The following USP13 variants were observed in gnomAD, a reference collection of about 807,000 sequenced individuals.
USP13 encodes ubiquitin specific peptidase 13, also known as ubiquitin carboxyl-terminal hydrolase 13.
In USP13, 68 loss-of-function variants were observed where a neutral mutation model predicts 107.8. That is an observed-to-expected ratio of 0.63 (90% confidence interval 0.52 to 0.77). USP13 has a LOEUF of 0.77. Among genes scored for constraint, USP13 ranks in the 30% least tolerant of loss-of-function variants. The pLI is 0.00. For synonymous variants in USP13, 377 were observed against 389.5 expected (o/e 0.97, Z 0.38); for missense variants, 945 against 1,093.3 (o/e 0.86, Z 1.91).
intron 7 of USP13, 117 bp downstream of exon 7, chr3:179,720,151 A>G: frequency 1.6e-6 from 1 of 636,524 alleles, no homozygotes; most frequent in Non-Finnish European, 2.4e-6. Flanking sequence ...TTCATTTTAT[A>G]GGTTTTAGCT....
At chr3:179,750,664 A>G (rs1257947248) in intron 13 of USP13, among the ~76,000 whole-genome samples, 2 of 152,218 alleles carry the variant, frequency 1.3e-5, no homozygotes, top group Non-Finnish European at 2.9e-5. Context: ...CCAAGGCTTT[A>G]TAGCTTTTAC....
At chr3:179,689,454 C>G (rs1712023463) in intron 2 of USP13, among the ~76,000 whole-genome samples, 2 of 151,868 alleles carry the variant, frequency 1.3e-5, no homozygotes, top group South Asian at 4.2e-4. Flanking sequence ...GTCAGGAGTT[C>G]AAGACCAGCC....
chr3:179,705,754 C>G (rs945996728), intron 4 of USP13, among the ~76,000 whole-genome samples: 5 of 151,922 alleles, frequency 3.3e-5, no homozygotes, highest in African/African-American at 1.2e-4. Flanking sequence ...CAGGGTTTCT[C>G]TCCTGTTGCC....
At chr3:179,675,174 C>CA (rs749528708) in intron 1 of USP13, among the ~76,000 whole-genome samples, 197 of 128,670 alleles carry the variant, frequency 1.5e-3, no homozygotes, top group South Asian at 9.6e-3. Flanking sequence ...CACTCCATCT[C>CA]AAAAAAAAAA....
chr3:179,662,013 A>G (rs1049510716), intron 1 of USP13, among the ~76,000 whole-genome samples: 2 of 152,190 alleles, frequency 1.3e-5, no homozygotes, highest in South Asian at 2.1e-4. Context: ...GTTCCTGAAC[A>G]TAGGCAGTGA....
chr3:179,673,210 A>G (rs1183743081), intron 1 of USP13, among the ~76,000 whole-genome samples: 1 of 152,170 alleles, frequency 6.6e-6, no homozygotes, highest in Non-Finnish European at 1.5e-5. Flanking sequence ...AGAGACTTTA[A>G]GTGGAAGCTG....
chr3:179,655,551 TTTTTTGTTTTGTTTTG>T (rs1486430714), intron 1 of USP13, among the ~76,000 whole-genome samples: 1 of 141,358 alleles, frequency 7.1e-6, no homozygotes, highest in East Asian at 2.3e-4. Context: ...TGGGAAGGTT[TTTTTTGTTTTGTTTTG>T]TTTTTTTTTT....
At chr3:179,693,299 C>T (rs1246357999) in intron 3 of USP13, among the ~76,000 whole-genome samples, 1 of 152,106 alleles carries the variant, frequency 6.6e-6, no homozygotes, top group East Asian at 1.9e-4. Flanking sequence ...CAGGCACACA[C>T]CACCACACAT....
intron 2 of USP13, among the ~76,000 whole-genome samples, chr3:179,685,966 G>A (rs1281109648): frequency 6.6e-6 from 1 of 151,922 alleles, no homozygotes; most frequent in African/African-American, 2.4e-5. Context: ...CTCCTTAACT[G>A]TCCTCCAGAA....
chr3:179,732,440 G>T (rs777121735), intron 10 of USP13, among the ~76,000 whole-genome samples: 3 of 152,202 alleles, frequency 2.0e-5, no homozygotes, highest in Non-Finnish European at 4.4e-5. Flanking sequence ...TGGTGAAGGA[G>T]CTGGGAGTCG....
At chr3:179,706,673 C>T (rs1453213972) in intron 4 of USP13, among the ~76,000 whole-genome samples, 1 of 152,174 alleles carries the variant, frequency 6.6e-6, no homozygotes, top group Non-Finnish European at 1.5e-5. Context: ...ATTGTTAAAT[C>T]TGACCTCTAA....
intron 8 of USP13, among the ~76,000 whole-genome samples, chr3:179,723,122 G>T (rs1254542904): frequency 6.6e-6 from 1 of 152,208 alleles, no homozygotes. Flanking sequence ...CAGGTGACAT[G>T]CCAGGAATAG....
chr3:179,774,568 G>A (rs989480561), intron 19 of USP13, among the ~76,000 whole-genome samples: 1 of 148,822 alleles, frequency 6.7e-6, no homozygotes, highest in African/African-American at 2.6e-5. Flanking sequence ...CTGTGGGTTT[G>A]TGGTCTCGCT....
At chr3:179,670,651 T>G (rs1370623361) in intron 1 of USP13, among the ~76,000 whole-genome samples, 1 of 152,108 alleles carries the variant, frequency 6.6e-6, no homozygotes, top group African/African-American at 2.4e-5. Flanking sequence ...TAATATCAAA[T>G]TATTGGCCGG....
Position 179,690,255 on chromosome 3 carries a change from G to T in USP13, c.309G>T (p.Ala103=). The T allele has an allele frequency of 6.2e-7, 1 of 1,613,770 alleles. No individual in the cohort carries two copies. The highest frequency in any genetic ancestry group is 8.5e-7 in the Non-Finnish European group (1 of 1,179,858). The change falls in exon 3 of 21, where the codon GCG becomes GCT. Residue 103 remains alanine (A), a synonymous_variant. Transcript: ENST00000263966. ...KRHVREKVRG[A]SGGALPKRRN... ...TTTCTTTTCAGAAGGTAAGAGGGGC[G>T]TCTGGTGGAGCGTTACCAAAAAGGA...
chr3:179,722,065 CA>C lies in USP13; in HGVS notation c.1088+493del, dbSNP rs113098896. 5.6e-3 allele frequency among the ~76,000 whole-genome samples: 712 copies of C among 127,694 alleles called. 7 individuals carry two copies. Among genetic ancestry groups the C allele is most frequent in the African/African-American group, 0.017 (561 of 32,472 alleles). 83.8% of individuals were successfully genotyped at this position (127,694 alleles called of 152,430 possible). On this transcript the variant is annotated intron_variant, in intron 8 of 20. Transcript: ENST00000263966. ...TGGGTAACAGAGCGAGAATCTGTCT[CA>C]AAAAAAAAAAAAAAAAGAGCTTCGT...
intron 1 of USP13, among the ~76,000 whole-genome samples, chr3:179,670,262 G>A (rs1027764409): frequency 3.3e-5 from 5 of 152,032 alleles, no homozygotes; most frequent in Admixed American, 3.3e-4. Context: ...AATTATCTTC[G>A]ATGTCTCTTT....
At position 179,762,581 on chromosome 3, in the gene USP13, AAATAAT is replaced by A. The variant is rs1005954717; in HGVS notation, c.2092+1338_2092+1343del. ...GGGCAACAGAGTGAGACTCCATCTAAAATAATAATAATAATAACAATAATAATAGTC... is the reference window on the plus strand; with the variant it reads ...GGGCAACAGAGTGAGACTCCATCTAAAATAATAATAACAATAATAATAGTC... On this transcript the variant is annotated intron_variant, in intron 17 of 20. Coordinates refer to ENST00000263966, the MANE Select transcript of USP13 (RefSeq NM_003940.3). Among the ~76,000 whole-genome samples the A allele has an allele frequency of 2.0e-5, 3 of 152,026 alleles. No homozygotes were observed. In the South Asian group the frequency reaches 6.2e-4, roughly 32 times the overall value.
intron 1 of USP13, among the ~76,000 whole-genome samples, chr3:179,668,898 G>A (rs1418817681): frequency 6.6e-6 from 1 of 152,142 alleles, no homozygotes; most frequent in Non-Finnish European, 1.5e-5. Context: ...TAAAACTCTT[G>A]TCTGGTTTGC....
Sources: gnomAD v4.1 joint callset for allele counts (sites outside exome capture counted in the v4.1 genomes callset) on GRCh38, gnomAD v4.1.1 for gene constraint, MANE v1.5 for transcripts, NCBI Gene and HGNC (gene_info 2026-07-23, HGNC 2026-07-21) for gene names.